FBXL18: variants seen among roughly 807,000 people sequenced by gnomAD.
The protein encoded by FBXL18 is F-box/LRR-repeat protein 18.
In FBXL18, 36 loss-of-function variants were observed where a neutral mutation model predicts 46.0. The observed-to-expected ratio is 0.78, with a 90% CI of 0.60 to 1.03. FBXL18 has a LOEUF of 1.03. Ranked by LOEUF, FBXL18 falls within the 50% of genes least tolerant of loss-of-function variation. The pLI, the probability that FBXL18 is intolerant of heterozygous loss-of-function variation, is 0.00. For missense variants in FBXL18, 977 were observed against 1,004.1 expected, an observed-to-expected ratio of 0.97 and a Z score of 0.36; for synonymous variants, 557 against 465.3, an observed-to-expected ratio of 1.20 and a Z score of -2.54.
At chr7:5,475,044 C>A (rs1296348192), downstream of FBXL18, among the ~76,000 whole-genome samples, 1 of 148,200 alleles carries the variant, frequency 6.7e-6, no homozygotes, top group Non-Finnish European at 1.5e-5. The surrounding 1 kb of genome is among the most constrained non-coding windows in gnomAD (Gnocchi z 4.2). Flanking sequence ...ATGGTCCAGG[C>A]CTGGTGGCTC....
intron 1 of FBXL18, 57 bp downstream of exon 1, chr7:5,513,600 C>T (rs1784597516): frequency 8.8e-6 from 14 of 1,599,764 alleles, no homozygotes; most frequent in Middle Eastern, 1.7e-4. Flanking sequence ...ATGGAAGAAC[C>T]CAGGGAGACC....
At chr7:5,463,706 T>TATATATA (rs374634728) in intron 4 of FBXL18, among the ~76,000 whole-genome samples, 747 of 59,340 alleles carry the variant, frequency 0.013, 29 homozygotes, top group East Asian at 0.02. Flanking sequence ...ATATATATAT[T>TATATATA]TATTTATTTA....
rs764387779 is a variant in FBXL18, at chr7:5,491,293, G to T, written c.1938C>A (p.Cys646Ter). Residue 646 changes from cysteine to a stop codon, truncating the protein, a stop_gained, in exon 4 of 5, where the codon TGC becomes TGA. Coordinates refer to ENST00000382368, the MANE Select transcript of FBXL18 (RefSeq NM_024963.6). LOFTEE classifies it high-confidence loss of function. ...FMARCLQVVMCHLFTGESLAT... is the reference protein window; with the variant it reads ...FMARCLQVVM ...CGAGGGACTCCCCGGTGAACAGGTG[G>T]CACATGACAACCTGCAGGCAGCGAG... 2 of 1,612,988 alleles carry T rather than the reference G, an allele frequency of 1.2e-6. No homozygotes were observed. The highest frequency in any genetic ancestry group is 1.1e-5 in the South Asian group (1 of 90,962).
intron 4 of FBXL18, among the ~76,000 whole-genome samples, chr7:5,485,509 A>AAAAT (rs933059199): frequency 6.6e-6 from 1 of 152,194 alleles, no homozygotes; most frequent in African/African-American, 2.4e-5. Context: ...ATGTGCAAAA[A>AAAAT]AAATAAATAA....
At chr7:5,461,849 G>A (rs1273857081) in intron 4 of FBXL18, among the ~76,000 whole-genome samples, 1 of 152,138 alleles carries the variant, frequency 6.6e-6, no homozygotes, top group Non-Finnish European at 1.5e-5. Flanking sequence ...GCTGAGGCAG[G>A]AGAATCACTT....
rs1784228906 is a variant in FBXL18, at chr7:5,500,956, T to TGGGC, written c.1309_1312dup (p.Gln438ArgfsTer265). ...GCGCGGCACTGCGTGCATGGCCGGC[T>TGGGC]GGGCGGGCGCGCGGTCGGCGCGCGG... On this transcript the variant is annotated frameshift_variant, in exon 3 of 5. Transcript: ENST00000382368. LOFTEE classifies it high-confidence loss of function. 2 of 1,537,356 alleles carry TGGGC rather than the reference T, an allele frequency of 1.3e-6. No homozygotes were observed. The highest frequency in any genetic ancestry group is 1.7e-6 in the Non-Finnish European group (2 of 1,147,186).
chr7:5,499,388 C>T (rs1784169551), intron 3 of FBXL18, among the ~76,000 whole-genome samples: 1 of 151,886 alleles, frequency 6.6e-6, no homozygotes, highest in Non-Finnish European at 1.5e-5. Flanking sequence ...CTCTGACATA[C>T]TTCCAAGTCT....
chr7:5,481,699 A>T lies in FBXL18; in HGVS notation c.*76T>A. ...GAGAGGCCCCCTTCCTCTTGTGACA[A>T]ACCAAGGGTCCCTGGCGTCCCAGGC... On this transcript the variant is annotated 3_prime_UTR_variant, in exon 5 of 5. Transcript: ENST00000382368. The T allele has an allele frequency of 2.0e-6, 3 of 1,534,386 alleles. No individual in the cohort carries two copies. The highest frequency in any genetic ancestry group is 2.7e-6 in the Non-Finnish European group (3 of 1,123,754).
chr7:5,468,420 T>G (rs758543636), intron 4 of FBXL18, among the ~76,000 whole-genome samples: 3 of 151,956 alleles, frequency 2.0e-5, no homozygotes, highest in Non-Finnish European at 2.9e-5. Context: ...CCCAGCCACC[T>G]CAGACATTTT....
At chr7:5,473,953 T>C (rs1311805911), downstream of FBXL18, among the ~76,000 whole-genome samples, 1 of 151,876 alleles carries the variant, frequency 6.6e-6, no homozygotes, top group Non-Finnish European at 1.5e-5. Context: ...CGCCACACCA[T>C]GCCCGGCTAA....
intron 3 of FBXL18, chr7:5,495,915 G>A (rs1333853684): frequency 2.1e-6 from 1 of 473,862 alleles, no homozygotes; most frequent in African/African-American, 2.0e-5. Flanking sequence ...GGCACAGGCT[G>A]GAGTTTGTCC....
At chr7:5,508,616 A>T (rs911400826) in intron 1 of FBXL18, among the ~76,000 whole-genome samples, 1 of 151,874 alleles carries the variant, frequency 6.6e-6, no homozygotes, top group Non-Finnish European at 1.5e-5. Flanking sequence ...CTCAAAAAAA[A>T]AAAAAGATAA....
chr7:5,480,538 A>G lies in FBXL18; in HGVS notation c.*1237T>C, dbSNP rs1464768584. The G allele has an allele frequency of 2.6e-5, 1 of 38,204 alleles. No homozygotes were observed. Among genetic ancestry groups the G allele is most frequent in the Non-Finnish European group, 5.1e-5 (1 of 19,568 alleles). The allele number at this position is 38,204 out of a possible 1,614,324, so 2.4% of individuals were successfully genotyped here. A position where few individuals can be genotyped will look rare whatever the true frequency, so the allele number is the denominator to read the frequency against. On this transcript the variant is annotated 3_prime_UTR_variant, in exon 5 of 5. Transcript: ENST00000382368. ...CCCAAAGTGTGTTGAATATATATAT[A>G]TATATATATATTTTTTTTTTTTTTT...
chr7:5,492,284 G>T (rs1480802676), intron 3 of FBXL18, among the ~76,000 whole-genome samples: 1 of 151,352 alleles, frequency 6.6e-6, no homozygotes, highest in Non-Finnish European at 1.5e-5. Context: ...AGTGGCAGAT[G>T]TGGGGATGTG....
intron 4 of FBXL18, chr7:5,489,275 C>A (rs777411281): frequency 1.9e-6 from 1 of 518,978 alleles, no homozygotes; most frequent in Non-Finnish European, 3.8e-6. Flanking sequence ...TATGAGAACC[C>A]TATCTCCAGT....
At chr7:5,463,004 T>TATATATATATACAC (rs1221961422) in intron 4 of FBXL18, among the ~76,000 whole-genome samples, 1 of 83,924 alleles carries the variant, frequency 1.2e-5, no homozygotes, top group African/African-American at 3.9e-5. Context: ...ATAATATATA[T>TATATATATATACAC]ACACACACAC....
chr7:5,470,817 C>T (rs573797606), downstream of FBXL18, among the ~76,000 whole-genome samples: 11 of 152,274 alleles, frequency 7.2e-5, no homozygotes, highest in East Asian at 1.9e-4. Context: ...TCTCCCAGCG[C>T]GGCCGGCTGG....
chr7:5,489,398 G>T (rs1783855919), intron 4 of FBXL18: 1 of 494,608 alleles, frequency 2.0e-6, no homozygotes, highest in African/African-American at 2.0e-5. Context: ...ACTTTGGGAG[G>T]CTGAGGTAAG....
At chr7:5,471,779 C>T (rs139989631), downstream of FBXL18, among the ~76,000 whole-genome samples, 307 of 152,316 alleles carry the variant, frequency 2.0e-3, 3 homozygotes, top group African/African-American at 6.9e-3. Flanking sequence ...CAGGGCTCTT[C>T]GCATGTTCTG....
Sources: allele counts gnomAD v4.1 joint callset (sites outside exome capture counted in the v4.1 genomes callset), GRCh38; gene constraint gnomAD v4.1.1; non-coding constraint Gnocchi (gnomAD v3.1); transcripts MANE v1.5; gene names NCBI Gene and HGNC (gene_info 2026-07-23, HGNC 2026-07-21).